ERMARD: variants seen among roughly 807,000 people sequenced by gnomAD.
ERMARD encodes endoplasmic reticulum membrane-associated RNA degradation protein.
In ERMARD, 71 loss-of-function variants were observed where a neutral mutation model predicts 83.9. The ratio of observed to expected loss-of-function variants is 0.85; its 90% CI spans 0.70 to 1.03. ERMARD has a LOEUF of 1.03. Among genes scored for constraint, ERMARD ranks in the 50% least tolerant of loss-of-function variants. The pLI is 0.00. For synonymous variants in ERMARD, 284 were observed against 298.6 expected (o/e 0.95, Z 0.50); for missense variants, 838 against 810.9 (o/e 1.03, Z -0.41).
At chr6:169,758,620 T>C (rs967265328) in intron 5 of ERMARD, among the ~76,000 whole-genome samples, 4 of 152,264 alleles carry the variant, frequency 2.6e-5, no homozygotes, top group Admixed American at 1.3e-4. Flanking sequence ...GAAGCAACTT[T>C]ATTAAAGCAG....
Position 169,781,315 on chromosome 6 carries a change from A to ATT in ERMARD, c.1854-6_1854-5dup. 3 of 1,483,014 alleles carry ATT rather than the reference A, an allele frequency of 2.0e-6. No individual in the cohort carries two copies. Among genetic ancestry groups the ATT allele is most frequent in the Admixed American group, 2.1e-5 (1 of 47,792 alleles). 91.9% of individuals were successfully genotyped at this position (1,483,014 alleles called of 1,614,324 possible). The stretch of plus-strand genomic sequence containing the variant: ...TATAATGGAATGGATAAAGAAATTA[A>ATT]TTTTTTTTTTACAGGTTTGTAAAGT... On this transcript the variant is annotated splice_polypyrimidine_tract_variant and intron_variant, in intron 17 of 17. Transcript: ENST00000366773.
At chr6:169,765,029 C>T (rs1792027558) in intron 9 of ERMARD, among the ~76,000 whole-genome samples, 1 of 152,226 alleles carries the variant, frequency 6.6e-6, no homozygotes, top group South Asian at 2.1e-4. Flanking sequence ...CTGCCCATGC[C>T]CAGTGCCTTC....
chr6:169,775,051 C>T (rs1260479803), intron 13 of ERMARD, among the ~76,000 whole-genome samples: 4 of 152,208 alleles, frequency 2.6e-5, no homozygotes, highest in Non-Finnish European at 5.9e-5. Flanking sequence ...TGGTCATAGC[C>T]ACCCCAGACG....
At chr6:169,774,106 C>T (rs576015298) in intron 13 of ERMARD, among the ~76,000 whole-genome samples, 468 of 152,274 alleles carry the variant, frequency 3.1e-3, no homozygotes, top group African/African-American at 0.011. Context: ...GAGGCCGAGG[C>T]GGGCGGATCA....
rs763371570 is a variant in ERMARD, at chr6:169,753,993, T to C, written c.136T>C (p.Trp46Arg). The C allele has an allele frequency of 6.8e-6, 11 of 1,613,314 alleles. No homozygotes were observed. Among genetic ancestry groups the C allele is most frequent in the South Asian group, 1.1e-5 (1 of 91,006 alleles). ...TGTAACTCAGAATGGTGAAGTATGC[T>C]GGAAAACAATCACAGACTGTGTGAG... ...SIVTQNGEVC[W>R]KTITDCVSYT... The change falls in exon 2 of 18, where the codon TGG (tryptophan) becomes CGG (arginine). Residue 46 changes from tryptophan to arginine, a missense_variant. Trp to Arg is a moderately radical substitution (Grantham distance 101, BLOSUM62 -3). Transcript: ENST00000366773.
upstream of ERMARD, chr6:169,751,584 C>A (rs1585327712): frequency 7.5e-6 from 12 of 1,601,892 alleles, no homozygotes; most frequent in East Asian, 2.2e-5. Context: ...CCCGCCAGGG[C>A]TCCAAAGCGC....
chr6:169,775,339 G>C lies in ERMARD; in HGVS notation c.1387G>C (p.Ala463Pro). The change falls in exon 14 of 18, where the codon GCC becomes CCC. Residue 463 changes from alanine to proline, a missense_variant. Ala to Pro is a conservative substitution (Grantham distance 27). Transcript: ENST00000366773. Reference protein sequence around the residue: ...LPFPEELTRQAVRLEDNSETN... With the variant: ...LPFPEELTRQPVRLEDNSETN... Reference sequence around the variant, plus strand: ...TTTCCCCGAAGAACTCACTCGGCAAGCCGTCAGGTGCGTGGCATCCTGGGG... The same window carrying C: ...TTTCCCCGAAGAACTCACTCGGCAACCCGTCAGGTGCGTGGCATCCTGGGG... The C allele has an allele frequency of 6.2e-7, 1 of 1,614,100 alleles. No individual in the cohort carries two copies.
intron 14 of ERMARD, chr6:169,775,736 C>G: frequency 1.5e-6 from 1 of 656,290 alleles, no homozygotes; most frequent in Middle Eastern, 4.2e-4. Context: ...TTCATCGTCT[C>G]GTCGTCACTG....
At chr6:169,768,223 C>G in intron 11 of ERMARD, 52 bp downstream of exon 11, 2 of 1,480,190 alleles carry the variant, frequency 1.4e-6, no homozygotes, top group Non-Finnish European at 1.9e-6. Context: ...TGGATGTCGT[C>G]AGCACTTCTC....
intron 12 of ERMARD, chr6:169,773,080 G>A (rs910048382): frequency 9.4e-5 from 41 of 438,252 alleles, no homozygotes; most frequent in Non-Finnish European, 1.5e-4. Flanking sequence ...TGTGCACAGA[G>A]GGTGGGTGTG....
At chr6:169,764,716 C>T (rs1039287751) in intron 9 of ERMARD, among the ~76,000 whole-genome samples, 4 of 152,180 alleles carry the variant, frequency 2.6e-5, no homozygotes, top group African/African-American at 7.2e-5. Flanking sequence ...TAACCCTGCC[C>T]TCCTCTTTGG....
Position 169,759,762 on chromosome 6 carries a change from T to C in ERMARD, c.606-76T>C, listed in dbSNP as rs766931116. ...AACTTTGCTTTCTTAATTTTAAATT[T>C]GTATTTTTCACAGTGAAGCTTTTTA... is the stretch of plus-strand genomic sequence containing the variant. On this transcript the variant is annotated intron_variant, in intron 6 of 17. Transcript: ENST00000366773. The C allele has an allele frequency of 4.6e-5, 63 of 1,367,710 alleles. 1 individual carries two copies. Among genetic ancestry groups the C allele is most frequent in the Non-Finnish European group, 6.3e-5 (62 of 977,088 alleles). 84.7% of individuals were successfully genotyped at this position (1,367,710 alleles called of 1,614,324 possible). A position where few individuals can be genotyped will look rare whatever the true frequency, so the allele number is the denominator to read the frequency against.
chr6:169,773,310 CT>C lies in ERMARD; in HGVS notation c.1234-8del, dbSNP rs755538896. Reference sequence around the variant, plus strand: ...AACATGATAGTAACCACTGTTTTCTCTGCACTAGGAAAAATCAGCCGTAGAA... The same window carrying C: ...AACATGATAGTAACCACTGTTTTCTCGCACTAGGAAAAATCAGCCGTAGAA... On this transcript the variant is annotated splice_region_variant and splice_polypyrimidine_tract_variant and intron_variant, in intron 12 of 17. Transcript: ENST00000366773. 3 of 1,613,452 alleles carry C rather than the reference CT, an allele frequency of 1.9e-6. No homozygotes were observed. The African/African-American group carries it at 4.0e-5, about 22-fold the overall frequency.
intron 12 of ERMARD, chr6:169,771,063 T>G (rs1270518788): frequency 6.7e-6 from 1 of 150,238 alleles, no homozygotes; most frequent in Non-Finnish European, 1.5e-5. Context: ...TATTTTTTCT[T>G]TTTTCTTTTC....
intron 3 of ERMARD, chr6:169,755,717 A>G (rs1790732611): frequency 6.2e-6 from 2 of 322,784 alleles, no homozygotes; most frequent in Non-Finnish European, 1.1e-5. Context: ...TTACTACTCC[A>G]GAATAAGGCG....
At chr6:169,751,480 C>G, upstream of ERMARD, 11 of 1,612,310 alleles carry the variant, frequency 6.8e-6, no homozygotes, top group Non-Finnish European at 8.5e-6. Context: ...CTCCAAGACG[C>G]CCACCGCCTC....
At chr6:169,752,225 G>T (rs1454868436) in intron 1 of ERMARD, among the ~76,000 whole-genome samples, 2 of 152,232 alleles carry the variant, frequency 1.3e-5, no homozygotes, top group Non-Finnish European at 2.9e-5. Context: ...TCTCCAAAAT[G>T]ATGATAACGA....
At chr6:169,776,784 A>C in intron 16 of ERMARD, 111 bp downstream of exon 16, 1 of 1,268,728 alleles carries the variant, frequency 7.9e-7, no homozygotes, top group Non-Finnish European at 1.1e-6. Flanking sequence ...ACTGAACCCC[A>C]TCGACAGGTG....
chr6:169,770,477 A>C (rs1315074682), intron 12 of ERMARD: 2 of 152,214 alleles, frequency 1.3e-5, no homozygotes, highest in Non-Finnish European at 2.9e-5. Context: ...TTGATGAATG[A>C]GTTGTAATGT....
Sources: allele counts gnomAD v4.1 joint callset (sites outside exome capture counted in the v4.1 genomes callset), GRCh38; gene constraint gnomAD v4.1.1; transcripts MANE v1.5; gene names NCBI Gene and HGNC (gene_info 2026-07-23, HGNC 2026-07-21).